The following MFHAS1 variants were observed in gnomAD, a reference collection of about 807,000 sequenced individuals.
MFHAS1 encodes malignant fibrous histiocytoma-amplified sequence 1.
In MFHAS1, 50 loss-of-function variants were observed where a neutral mutation model predicts 70.4. The observed-to-expected ratio is 0.71, with a 90% CI of 0.57 to 0.90. The LOEUF (loss-of-function observed/expected upper bound fraction) is 0.90, where lower values mean the gene tolerates loss of function less well. Ranked by LOEUF, MFHAS1 falls within the 40% of genes least tolerant of loss-of-function variation. The pLI is 0.00. For synonymous variants in MFHAS1, 952 were observed against 620.0 expected (o/e 1.54, Z -7.96); for missense variants, 1,795 against 1,347.6 (o/e 1.33, Z -5.20).
intron 1 of MFHAS1, among the ~76,000 whole-genome samples, chr8:8,855,385 A>G (rs4348501): frequency 0.35 from 52,723 of 152,190 alleles, 10,736 homozygotes; most frequent in Non-Finnish European, 0.47. Context: ...AGAATCATAC[A>G]ATGGAGGATT....
intron 1 of MFHAS1, among the ~76,000 whole-genome samples, chr8:8,851,986 C>A (rs532706335): frequency 1.3e-5 from 2 of 152,216 alleles, no homozygotes; most frequent in Admixed American, 6.5e-5. Flanking sequence ...AAGGACAGAG[C>A]GCTCCCTCAG....
chr8:8,891,713 G>A lies in MFHAS1; in HGVS notation c.1346C>T (p.Pro449Leu), dbSNP rs1183094969. 6.2e-7 allele frequency: 1 copy of A among 1,613,302 alleles called. No homozygotes were observed. The highest frequency in any genetic ancestry group is 8.5e-7 in the Non-Finnish European group (1 of 1,180,030). ...GCCCTTGCTCACAGGGGGAGGTGAC[G>A]GTGGGTAGCACTTCTCCTTGTCCCC... Reference protein sequence around the residue: ...GGGDKEKCYPPSPPPVSKGIE... With the variant: ...GGGDKEKCYPLSPPPVSKGIE... The change falls in exon 1 of 3, where the codon CCG (proline) becomes CTG (leucine). Residue 449 changes from proline to leucine, a missense_variant. Physicochemically the swap from Pro to Leu is moderately conservative, Grantham distance 98. Coordinates refer to ENST00000276282, the MANE Select transcript of MFHAS1 (RefSeq NM_004225.3). This position sits in a 1 kb window ranked among gnomAD's most constrained non-coding sequence, Gnocchi z 5.4.
Position 8,893,142 on chromosome 8 carries a change from T to A in MFHAS1, c.-84A>T, listed in dbSNP as rs1336744699. 4 of 872,446 alleles carry A rather than the reference T, an allele frequency of 4.6e-6. 1 individual carries two copies. The South Asian group carries it at 1.8e-4, about 40-fold the overall frequency. The allele number at this position is 872,446 out of a possible 1,614,324, so 54.0% of individuals were successfully genotyped here. On this transcript the variant is annotated 5_prime_UTR_variant, in exon 1 of 3. Transcript: ENST00000276282. ...GCCGCGCCCCGGGCCCTCCGGCTCCTGCCCCTGCCTGCCCTCCCGCGCTCG... is the reference window on the plus strand; with the variant it reads ...GCCGCGCCCCGGGCCCTCCGGCTCCAGCCCCTGCCTGCCCTCCCGCGCTCG...
chr8:8,840,031 C>T (rs1317047885), intron 1 of MFHAS1, among the ~76,000 whole-genome samples: 1 of 152,146 alleles, frequency 6.6e-6, no homozygotes, highest in Admixed American at 6.5e-5. Flanking sequence ...TATATATACA[C>T]ATATATGTTT....
At chr8:8,819,787 C>T (rs1013889786) in intron 1 of MFHAS1, among the ~76,000 whole-genome samples, 2 of 152,080 alleles carry the variant, frequency 1.3e-5, no homozygotes, top group East Asian at 1.9e-4. Flanking sequence ...CAGCCTCAGC[C>T]TCCCAGGCTC....
In MFHAS1 at chr8:8,863,900, C is replaced by G. The variant is rs13260633; in HGVS notation, c.2998+26161G>C. Among the ~76,000 whole-genome samples the G allele has an allele frequency of 1.7e-3, 265 of 152,312 alleles. 1 individual carries two copies. Among genetic ancestry groups the G allele is most frequent in the Admixed American group, 3.7e-3 (57 of 15,304 alleles). On this transcript the variant is annotated intron_variant, in intron 1 of 2. Transcript: ENST00000276282. ...ATCAGGGCTCCCAGATATCAAGGAG[C>G]TGAAACTCACCAGATCACTGCATTT...
chr8:8,793,180 A>C (rs1226741992), intron 2 of MFHAS1, among the ~76,000 whole-genome samples: 6 of 152,172 alleles, frequency 3.9e-5, no homozygotes, highest in African/African-American at 4.8e-5. Context: ...TTAAAACAAA[A>C]AAAAAAATAT....
rs1291609232 is a variant in MFHAS1, at chr8:8,893,047, C to A, written c.12G>T (p.Met4Ile). ...TCGCGGTCTTCAGGTTGCCACTGTC[C>A]ATCCCAGCCATGGCGGGGCCCCGGG... MAG[M>I]DSGNLKTARL... Residue 4 changes from methionine to isoleucine, a missense_variant, in exon 1 of 3, where the codon ATG (methionine) becomes ATT (isoleucine). Met to Ile is a conservative substitution (Grantham distance 10, BLOSUM62 1). Transcript: ENST00000276282. The A allele has an allele frequency of 2.0e-6, 3 of 1,505,086 alleles. No individual in the cohort carries two copies. The highest frequency in any genetic ancestry group is 2.6e-6 in the Non-Finnish European group (3 of 1,133,800). The allele number at this position is 1,505,086 out of a possible 1,614,324, so 93.2% of individuals were successfully genotyped here.
chr8:8,846,694 T>G (rs1274050390), intron 1 of MFHAS1, among the ~76,000 whole-genome samples: 1 of 152,216 alleles, frequency 6.6e-6, no homozygotes, highest in South Asian at 2.1e-4. Flanking sequence ...CCTCTGCACT[T>G]GTTCTCCCTG....
chr8:8,800,316 C>A (rs1277758648), intron 1 of MFHAS1, among the ~76,000 whole-genome samples: 1 of 152,186 alleles, frequency 6.6e-6, no homozygotes, highest in African/African-American at 2.4e-5. Flanking sequence ...CAAAAATGCA[C>A]TTCAAACACC....
At position 8,891,745 on chromosome 8, in the gene MFHAS1, T is replaced by G. The variant is rs1428359702; in HGVS notation, c.1314A>C (p.Pro438=). Reference sequence around the variant, plus strand: ...AGCACTTCTCCTTGTCCCCTCCTCCTGGGCATCCCTCCACTCTCTCCTCGG... The same window carrying G: ...AGCACTTCTCCTTGTCCCCTCCTCCGGGGCATCCCTCCACTCTCTCCTCGG... The part of the protein sequence containing the change: ...CLTEERVEGC[P]GGGDKEKCYP... Residue 438 remains proline (P), a synonymous_variant, in exon 1 of 3, where the codon CCA becomes CCC. Transcript: ENST00000276282. The surrounding 1 kb of genome is among the most constrained non-coding windows in gnomAD (Gnocchi z 5.4). 2 of 1,613,412 alleles carry G rather than the reference T, an allele frequency of 1.2e-6. No homozygotes were observed. Among genetic ancestry groups the G allele is most frequent in the South Asian group, 2.2e-5 (2 of 91,082 alleles).
chr8:8,879,454 CT>C (rs1809425649), intron 1 of MFHAS1, among the ~76,000 whole-genome samples: 1 of 152,146 alleles, frequency 6.6e-6, no homozygotes, highest in Non-Finnish European at 1.5e-5. Context: ...AATGAATTTC[CT>C]TTTTCCAGCA....
At chr8:8,850,838 G>GAA (rs1808220344) in intron 1 of MFHAS1, among the ~76,000 whole-genome samples, 1 of 140,512 alleles carries the variant, frequency 7.1e-6, no homozygotes. Flanking sequence ...AAAAAAATCA[G>GAA]AACACCCAGA....
At chr8:8,823,337 G>C (rs1807035767) in intron 1 of MFHAS1, among the ~76,000 whole-genome samples, 1 of 152,128 alleles carries the variant, frequency 6.6e-6, no homozygotes, top group African/African-American at 2.4e-5. Context: ...GTACTGTGAA[G>C]GCCCGGTGGG....
chr8:8,866,245 G>A (rs779299576), intron 1 of MFHAS1, among the ~76,000 whole-genome samples: 4 of 151,718 alleles, frequency 2.6e-5, no homozygotes, highest in South Asian at 2.1e-4. Context: ...TTTATCAGAC[G>A]ATAAAACTCT....
chr8:8,848,429 C>G (rs1282932167), intron 1 of MFHAS1, among the ~76,000 whole-genome samples: 1 of 150,954 alleles, frequency 6.6e-6, no homozygotes, highest in Non-Finnish European at 1.5e-5. Flanking sequence ...CATGCCATCC[C>G]ACTTCATTTT....
chr8:8,874,346 ACACAC>A (rs1221814787), intron 1 of MFHAS1, among the ~76,000 whole-genome samples: 6 of 145,934 alleles, frequency 4.1e-5, no homozygotes, highest in Non-Finnish European at 7.4e-5. Context: ...ACACACACAC[ACACAC>A]ACACACACAC....
chr8:8,814,356 T>A (rs1482673723), intron 1 of MFHAS1, among the ~76,000 whole-genome samples: 1 of 152,212 alleles, frequency 6.6e-6, no homozygotes, highest in Non-Finnish European at 1.5e-5. Context: ...GCTGTACAGG[T>A]TTGTAGCCCA....
intron 2 of MFHAS1, among the ~76,000 whole-genome samples, chr8:8,786,513 C>G (rs1395303308): frequency 6.6e-6 from 1 of 152,172 alleles, no homozygotes; most frequent in Admixed American, 6.5e-5. Context: ...CATGATTTTA[C>G]TTAAAATGTT....
Sources: gnomAD v4.1 joint callset for allele counts (sites outside exome capture counted in the v4.1 genomes callset) on GRCh38, gnomAD v4.1.1 for gene constraint, Gnocchi (gnomAD v3.1) non-coding constraint, MANE v1.5 for transcripts, NCBI Gene and HGNC (gene_info 2026-07-23, HGNC 2026-07-21) for gene names.